Variants in CTNND2 observed in about 807,000 individuals in gnomAD.
CTNND2 encodes the protein catenin delta 2.
Under a neutral mutation model 144.4 loss-of-function variants are expected in CTNND2, and 22 were observed. The observed-to-expected ratio is 0.15, with a 90% CI of 0.11 to 0.22. The LOEUF (loss-of-function observed/expected upper bound fraction) is 0.22, where lower values mean the gene tolerates loss of function less well. CTNND2 is among the 10% of genes least tolerant of loss of function. The pLI, the probability that CTNND2 is intolerant of heterozygous loss-of-function variation, is 1.00. For missense variants in CTNND2, 1,353 were observed against 1,618.8 expected (o/e 0.84, Z 2.82); for synonymous variants, 751 against 695.6 (o/e 1.08, Z -1.25).
At chr5:11,258,600 A>G (rs987445592) in intron 9 of CTNND2, among the ~76,000 whole-genome samples, 2 of 152,048 alleles carry the variant, frequency 1.3e-5, no homozygotes, top group Non-Finnish European at 2.9e-5. Context: ...TACTCTTTTC[A>G]TTTTTGCACA....
intron 18 of CTNND2, among the ~76,000 whole-genome samples, chr5:11,001,809 A>G (rs1739992351): frequency 6.6e-6 from 1 of 152,192 alleles, no homozygotes; most frequent in Non-Finnish European, 1.5e-5. Flanking sequence ...TGCCTGCTCT[A>G]TTTTAAATGG....
At chr5:11,256,174 A>T (rs1291426859) in intron 9 of CTNND2, among the ~76,000 whole-genome samples, 1 of 152,206 alleles carries the variant, frequency 6.6e-6, no homozygotes, top group Non-Finnish European at 1.5e-5. Context: ...CCTACCTGGC[A>T]ATGCTGGTTC....
chr5:11,235,671 C>CT (rs1480978471), intron 10 of CTNND2, among the ~76,000 whole-genome samples: 1 of 152,164 alleles, frequency 6.6e-6, no homozygotes, highest in African/African-American at 2.4e-5. Flanking sequence ...TCAAATGTAC[C>CT]TTGGGACAAA....
intron 2 of CTNND2, among the ~76,000 whole-genome samples, chr5:11,631,384 ACTAC>A (rs1442971470): frequency 6.6e-6 from 1 of 152,148 alleles, no homozygotes; most frequent in Non-Finnish European, 1.5e-5. Context: ...CACACACTTT[ACTAC>A]TATAAAAATT....
intron 3 of CTNND2, among the ~76,000 whole-genome samples, chr5:11,413,899 T>C (rs187241489): frequency 1.3e-5 from 2 of 152,338 alleles, no homozygotes; most frequent in African/African-American, 4.8e-5. Flanking sequence ...GATAGTGGGT[T>C]GAACGGAGGG....
At chr5:11,477,970 T>C (rs1398287748) in intron 3 of CTNND2, among the ~76,000 whole-genome samples, 1 of 152,202 alleles carries the variant, frequency 6.6e-6, no homozygotes, top group Non-Finnish European at 1.5e-5. Context: ...GAGAAGTTGT[T>C]GGAAGTCATC....
At chr5:11,494,137 T>C (rs959953212) in intron 3 of CTNND2, among the ~76,000 whole-genome samples, 2 of 152,180 alleles carry the variant, frequency 1.3e-5, no homozygotes, top group African/African-American at 2.4e-5. Flanking sequence ...CTTAAGAATA[T>C]AGTAGTTGTC....
intron 1 of CTNND2, among the ~76,000 whole-genome samples, chr5:11,846,077 C>G (rs779166154): frequency 2.0e-5 from 3 of 151,918 alleles, no homozygotes; most frequent in African/African-American, 7.3e-5. Flanking sequence ...AATATAGGAG[C>G]GAATTGGTGA....
chr5:11,057,475 C>T (rs990081184), intron 16 of CTNND2, among the ~76,000 whole-genome samples: 2 of 152,242 alleles, frequency 1.3e-5, no homozygotes, highest in Non-Finnish European at 2.9e-5. Flanking sequence ...CTGCCATCCA[C>T]GTAAGATGTG....
intron 2 of CTNND2, among the ~76,000 whole-genome samples, chr5:11,641,745 C>CGTGTGTGTATATACATATACGT (rs140598993): frequency 7.4e-6 from 1 of 134,676 alleles, no homozygotes; most frequent in Admixed American, 7.1e-5. Context: ...TATACATATA[C>CGTGTGTGTATATACATATACGT]GTGTGTATGT....
At chr5:11,238,344 C>T (rs933399602) in intron 9 of CTNND2, among the ~76,000 whole-genome samples, 1 of 152,284 alleles carries the variant, frequency 6.6e-6, no homozygotes, top group South Asian at 2.1e-4. Context: ...CTGCAACCAC[C>T]TCTATTCCTC....
chr5:11,539,668 A>C (rs753357003), intron 3 of CTNND2, among the ~76,000 whole-genome samples: 12 of 152,212 alleles, frequency 7.9e-5, no homozygotes, highest in Non-Finnish European at 1.6e-4. Context: ...TGCAGCCAAT[A>C]TGAAGCCTTC....
intron 3 of CTNND2, among the ~76,000 whole-genome samples, chr5:11,451,095 A>G (rs1765275805): frequency 6.6e-6 from 1 of 151,840 alleles, no homozygotes; most frequent in Non-Finnish European, 1.5e-5. Context: ...TATATTTTAT[A>G]TAAAAATTAA....
intron 2 of CTNND2, among the ~76,000 whole-genome samples, chr5:11,629,109 G>A (rs1781295611): frequency 2.0e-5 from 3 of 152,166 alleles, no homozygotes; most frequent in Admixed American, 1.3e-4. Context: ...CACCTTTAGT[G>A]ATCAATGACC....
At chr5:11,213,271 G>C (rs971422795) in intron 10 of CTNND2, among the ~76,000 whole-genome samples, 1 of 152,104 alleles carries the variant, frequency 6.6e-6, no homozygotes, top group East Asian at 1.9e-4. Context: ...TGGGATCCCA[G>C]AGGCTGAGCA....
At chr5:11,217,097 C>T (rs1488879282) in intron 10 of CTNND2, among the ~76,000 whole-genome samples, 1 of 152,210 alleles carries the variant, frequency 6.6e-6, no homozygotes, top group East Asian at 1.9e-4. Context: ...CAATGGTCAA[C>T]TCACTGGCCA....
At chr5:11,600,376 G>A (rs1004864433) in intron 2 of CTNND2, among the ~76,000 whole-genome samples, 8 of 152,096 alleles carry the variant, frequency 5.3e-5, no homozygotes, top group African/African-American at 1.9e-4. Flanking sequence ...GTGTGTTATA[G>A]GTGAACAATT....
At chr5:11,506,771 C>T (rs886974753) in intron 3 of CTNND2, among the ~76,000 whole-genome samples, 3 of 152,212 alleles carry the variant, frequency 2.0e-5, no homozygotes, top group Admixed American at 6.5e-5. Flanking sequence ...CCTTCCACAA[C>T]AGGTAGCTTT....
chr5:11,858,270 A>G (rs2127019046), intron 1 of CTNND2, among the ~76,000 whole-genome samples: 1 of 152,372 alleles, frequency 6.6e-6, no homozygotes, highest in Non-Finnish European at 1.5e-5. Flanking sequence ...AGTTGGTTTT[A>G]TATAATATTG....
Sources: gnomAD v4.1 joint callset for allele counts (sites outside exome capture counted in the v4.1 genomes callset) on GRCh38, gnomAD v4.1.1 for gene constraint, MANE v1.5 for transcripts, NCBI Gene and HGNC (gene_info 2026-07-23, HGNC 2026-07-21) for gene names.